The following SERPINA12 variants were observed in gnomAD, a reference collection of about 807,000 sequenced individuals.
SERPINA12 encodes the protein serpin A12.
A neutral mutation model predicts 25.9 loss-of-function variants in SERPINA12; 21 were observed. The observed-to-expected ratio is 0.81, with a 90% CI of 0.58 to 1.17. The LOEUF (loss-of-function observed/expected upper bound fraction) is 1.17. Ranked by LOEUF, SERPINA12 falls within the 50% of genes most tolerant of loss-of-function variation. SERPINA12 has a pLI of 0.00. For synonymous variants in SERPINA12, 220 were observed against 196.0 expected, an observed-to-expected ratio of 1.12 and a Z score of -1.02; for missense variants, 562 against 508.3, an observed-to-expected ratio of 1.11 and a Z score of -1.02.
intron 3 of SERPINA12, among the ~76,000 whole-genome samples, chr14:94,491,079 C>CAGAGG (rs1900161203): frequency 6.6e-6 from 1 of 152,186 alleles, no homozygotes; most frequent in African/African-American, 2.4e-5. Flanking sequence ...CATTCATTCA[C>CAGAGG]TCAACAAACA....
At chr14:94,491,205 G>A (rs1043643376) in intron 3 of SERPINA12, among the ~76,000 whole-genome samples, 1 of 152,172 alleles carries the variant, frequency 6.6e-6, no homozygotes, top group African/African-American at 2.4e-5. Context: ...GAAGACAGGT[G>A]ATAGAATCAA....
intron 4 of SERPINA12, among the ~76,000 whole-genome samples, chr14:94,489,116 A>G (rs1054586084): frequency 1.3e-5 from 2 of 151,238 alleles, no homozygotes; most frequent in African/African-American, 2.4e-5. Context: ...TAAAAGAAAG[A>G]AAGGAAGGAA....
intron 4 of SERPINA12, 53 bp downstream of exon 4, chr14:94,489,567 T>G: frequency 6.3e-7 from 1 of 1,588,806 alleles, no homozygotes; most frequent in African/African-American, 1.3e-5. Flanking sequence ...TGGCCCCGGC[T>G]GGGGGAAGGC....
chr14:94,499,754 G>A (rs1900631829), intron 1 of SERPINA12, among the ~76,000 whole-genome samples: 1 of 152,160 alleles, frequency 6.6e-6, no homozygotes, highest in Non-Finnish European at 1.5e-5. Flanking sequence ...GAGGGAAGTG[G>A]GATGGAAAAG....
chr14:94,499,298 T>G (rs1210475738), intron 1 of SERPINA12, among the ~76,000 whole-genome samples: 1 of 152,182 alleles, frequency 6.6e-6, no homozygotes, highest in Non-Finnish European at 1.5e-5. Context: ...CAGCCAGGTC[T>G]GCCTGGCTCT....
At chr14:94,504,339 C>T (rs1183390321) in intron 1 of SERPINA12, 1 of 152,212 alleles carries the variant, frequency 6.6e-6, no homozygotes, top group Non-Finnish European at 1.5e-5. Context: ...CCGGCCACAC[C>T]CACTGGGCTG....
Position 94,496,529 on chromosome 14 carries a change from C to A in SERPINA12, c.749G>T (p.Gly250Val). Residue 250 changes from glycine to valine, a missense_variant, in exon 3 of 5, where the codon GGC (glycine) becomes GTC (valine). Physicochemically the swap from Gly to Val is moderately radical, Grantham distance 109 (BLOSUM62 -3). Transcript: ENST00000677451. ...GGTGCAAGAGAGCTTATCGTCATAG[C>A]CAACTTGGTATATGCCACTACGGAA... ...MMFRSGIYQVGYDDKLSCTIL... is the reference protein window; with the variant it reads ...MMFRSGIYQVVYDDKLSCTIL... 1.9e-6 allele frequency: 3 copies of A among 1,613,808 alleles called. No homozygotes were observed. The highest frequency in any genetic ancestry group is 2.2e-5 in the East Asian group (1 of 44,878).
chr14:94,502,029 T>G (rs962174563), intron 1 of SERPINA12, among the ~76,000 whole-genome samples: 1 of 149,018 alleles, frequency 6.7e-6, no homozygotes, highest in Non-Finnish European at 1.5e-5. Flanking sequence ...TTGGAATGTG[T>G]GTGTGTGTGT....
intron 3 of SERPINA12, among the ~76,000 whole-genome samples, chr14:94,493,934 G>T (rs1292431033): frequency 3.3e-5 from 5 of 152,226 alleles, no homozygotes; most frequent in Admixed American, 6.5e-5. Flanking sequence ...ACCAGGGGCT[G>T]CAGAGGGCCT....
At chr14:94,505,273 G>A (rs1288593423) in intron 1 of SERPINA12, among the ~76,000 whole-genome samples, 3 of 152,188 alleles carry the variant, frequency 2.0e-5, no homozygotes, top group Non-Finnish European at 4.4e-5. Flanking sequence ...GGAGACACTA[G>A]TTCATTCCCA....
intron 1 of SERPINA12, among the ~76,000 whole-genome samples, chr14:94,504,464 C>T (rs894083232): frequency 6.6e-6 from 1 of 152,246 alleles, no homozygotes; most frequent in African/African-American, 2.4e-5. Flanking sequence ...AGTCCTAATA[C>T]TGAATATTCA....
At chr14:94,488,622 T>C (rs999955869) in intron 4 of SERPINA12, among the ~76,000 whole-genome samples, 2 of 152,184 alleles carry the variant, frequency 1.3e-5, no homozygotes, top group African/African-American at 4.8e-5. Context: ...TTATTCATCA[T>C]TTATCTAAAA....
rs1900435176 is a variant in SERPINA12, at chr14:94,496,605, C to T, written c.673G>A (p.Glu225Lys). ...KHEFDPNVTK[E>K]EDFFLEKNSS... ...TTTTTCTCCAGAAAGAAATCTTCCTCTTTAGTTACATTTGGATCAAACTCA... is the reference window on the plus strand; with the variant it reads ...TTTTTCTCCAGAAAGAAATCTTCCTTTTTAGTTACATTTGGATCAAACTCA... The change falls in exon 3 of 5, where the codon GAG (glutamate) becomes AAG (lysine). Residue 225 changes from glutamate to lysine, a missense_variant. Transcript: ENST00000677451. 1.2e-6 allele frequency: 2 copies of T among 1,614,038 alleles called. No individual in the cohort carries two copies. Among genetic ancestry groups the T allele is most frequent in the Admixed American group, 1.7e-5 (1 of 60,016 alleles).
chr14:94,492,322 C>T (rs753600650), intron 3 of SERPINA12, among the ~76,000 whole-genome samples: 93 of 152,024 alleles, frequency 6.1e-4, no homozygotes, highest in Non-Finnish European at 1.1e-3. Context: ...GGGGGAGTGA[C>T]GAAATGGAGG....
chr14:94,506,980 G>A (rs1900951129), intron 1 of SERPINA12, among the ~76,000 whole-genome samples: 1 of 152,210 alleles, frequency 6.6e-6, no homozygotes, highest in African/African-American at 2.4e-5. Context: ...ACAGACTAGA[G>A]AATCCAACAG....
chr14:94,492,692 C>T (rs961748164), intron 3 of SERPINA12, among the ~76,000 whole-genome samples: 15 of 152,186 alleles, frequency 9.9e-5, no homozygotes, highest in African/African-American at 2.7e-4. Flanking sequence ...TTTGTGCCAA[C>T]GTGGGAAGGC....
upstream of SERPINA12, among the ~76,000 whole-genome samples, chr14:94,511,960 T>A (rs917203537): frequency 3.3e-5 from 5 of 151,672 alleles, no homozygotes; most frequent in Non-Finnish European, 7.4e-5. Context: ...TAGCTGGGAG[T>A]GGTGTCTCGC....
chr14:94,490,358 CTT>C (rs1900120355), intron 3 of SERPINA12, among the ~76,000 whole-genome samples: 1 of 152,098 alleles, frequency 6.6e-6, no homozygotes, highest in Non-Finnish European at 1.5e-5. Flanking sequence ...CAACTAGCAG[CTT>C]CACATCCTCT....
chr14:94,505,455 C>T (rs1900897678), intron 1 of SERPINA12, among the ~76,000 whole-genome samples: 1 of 152,212 alleles, frequency 6.6e-6, no homozygotes, highest in Non-Finnish European at 1.5e-5. Context: ...GGGTCAAAGA[C>T]ACCATGTGAA....
Sources: allele counts gnomAD v4.1 joint callset (sites outside exome capture counted in the v4.1 genomes callset), GRCh38; gene constraint gnomAD v4.1.1; transcripts MANE v1.5; gene names NCBI Gene and HGNC (gene_info 2026-07-23, HGNC 2026-07-21).